TBC1D32: variants seen among roughly 807,000 people sequenced by gnomAD.
TBC1D32 encodes the protein TBC1 domain family member 32, also known as protein broad-minded.
In TBC1D32, 151 loss-of-function variants were observed where a neutral mutation model predicts 170.3. The observed-to-expected ratio is 0.89, with a 90% confidence interval of 0.78 to 1.01. The LOEUF (loss-of-function observed/expected upper bound fraction) is 1.01. Among genes scored for constraint, TBC1D32 ranks in the 50% least tolerant of loss-of-function variants. TBC1D32 has a pLI of 0.00. For synonymous variants in TBC1D32, 498 were observed against 488.0 expected, an observed-to-expected ratio of 1.02 and a Z score of -0.27; for missense variants, 1,464 against 1,457.1, an observed-to-expected ratio of 1.00 and a Z score of -0.08.
At chr6:121,211,923 G>A (rs776582733) in intron 21 of TBC1D32, among the ~76,000 whole-genome samples, 1 of 151,768 alleles carries the variant, frequency 6.6e-6, no homozygotes, top group East Asian at 1.9e-4. Context: ...ACAGTTCCTC[G>A]ACCACAGTGC....
intron 3 of TBC1D32, among the ~76,000 whole-genome samples, chr6:121,315,925 T>A (rs1289279198): frequency 6.6e-6 from 1 of 152,144 alleles, no homozygotes; most frequent in Non-Finnish European, 1.5e-5. Context: ...GCCTTCTTGA[T>A]GGGCAGAGCT....
chr6:121,280,504 A>T (rs1455625356), intron 14 of TBC1D32, among the ~76,000 whole-genome samples: 1 of 151,846 alleles, frequency 6.6e-6, no homozygotes, highest in East Asian at 1.9e-4. Flanking sequence ...ACAACTGCAG[A>T]ATTACATAAC....
chr6:121,104,268 C>A (rs1223530140), intron 30 of TBC1D32, among the ~76,000 whole-genome samples: 1 of 151,516 alleles, frequency 6.6e-6, no homozygotes, highest in African/African-American at 2.4e-5. Flanking sequence ...ATAAAAATAT[C>A]AAAGAAGTCC....
At chr6:121,085,089 G>A (rs1166058993) in intron 31 of TBC1D32, among the ~76,000 whole-genome samples, 1 of 151,166 alleles carries the variant, frequency 6.6e-6, no homozygotes, top group Non-Finnish European at 1.5e-5. Context: ...TTAAAGACTT[G>A]CATTAATGTC....
intron 21 of TBC1D32, among the ~76,000 whole-genome samples, chr6:121,216,650 C>T (rs1248412866): frequency 6.6e-6 from 1 of 152,112 alleles, no homozygotes; most frequent in Non-Finnish European, 1.5e-5. Context: ...TTTAGTGACT[C>T]TATATGTAAT....
At chr6:121,282,371 T>C (rs887315507) in intron 13 of TBC1D32, among the ~76,000 whole-genome samples, 1 of 151,700 alleles carries the variant, frequency 6.6e-6, no homozygotes, top group Non-Finnish European at 1.5e-5. Context: ...CTCAAAACAA[T>C]AGTTTTTAAG....
chr6:121,090,004 G>C (rs910440739), intron 31 of TBC1D32, among the ~76,000 whole-genome samples: 1 of 151,706 alleles, frequency 6.6e-6, no homozygotes, highest in Non-Finnish European at 1.5e-5. Context: ...TGCGATCTCG[G>C]CTCATGCAAG....
In TBC1D32 at chr6:121,321,675, G is replaced by A; in HGVS notation, c.275C>T (p.Thr92Ile). The change falls in exon 2 of 32, where the codon ACA becomes ATA. Residue 92 changes from threonine to isoleucine, a missense_variant. Thr to Ile is a moderately conservative substitution (Grantham distance 89, BLOSUM62 -1). Transcript: ENST00000398212. ...RNQGEECGYD[T>I]VVQQVTKRTQ... The stretch of plus-strand genomic sequence containing the variant: ...TCTTTTAGTGACCTGCTGTACAACT[G>A]TATCATAGCCGCATTCTTCACCCTG... 1 of 1,613,884 alleles carries A rather than the reference G, an allele frequency of 6.2e-7. No homozygotes were observed. Among genetic ancestry groups the A allele is most frequent in the Non-Finnish European group, 8.5e-7 (1 of 1,179,890 alleles).
At chr6:121,250,067 T>C (rs1236558657) in intron 17 of TBC1D32, among the ~76,000 whole-genome samples, 2 of 152,060 alleles carry the variant, frequency 1.3e-5, no homozygotes, top group African/African-American at 4.8e-5. Context: ...GGCATCTCAT[T>C]ACCCACCTTC....
intron 12 of TBC1D32, 77 bp from the exon 13 acceptor site, chr6:121,283,987 T>C (rs910217769): frequency 1.1e-5 from 12 of 1,062,124 alleles, no homozygotes; most frequent in South Asian, 7.0e-5. Context: ...TGAGCTTTCA[T>C]CCATCTATAT....
intron 25 of TBC1D32, among the ~76,000 whole-genome samples, chr6:121,131,029 C>T (rs1027098072): frequency 6.6e-6 from 1 of 152,020 alleles, no homozygotes; most frequent in Non-Finnish European, 1.5e-5. Flanking sequence ...GTACACAATA[C>T]CTTTTAAATT....
intron 14 of TBC1D32, among the ~76,000 whole-genome samples, chr6:121,279,704 G>A (rs973632501): frequency 4.6e-5 from 7 of 151,956 alleles, no homozygotes; most frequent in African/African-American, 1.7e-4. Flanking sequence ...ACTAGGGATA[G>A]CCAATTCATG....
chr6:121,283,900 G>A lies in TBC1D32; in HGVS notation c.1383C>T (p.Ser461=), dbSNP rs1226475202. The A allele has an allele frequency of 6.2e-7, 1 of 1,603,754 alleles. No individual in the cohort carries two copies. Among genetic ancestry groups the A allele is most frequent in the South Asian group, 1.1e-5 (1 of 89,622 alleles). Residue 461 remains serine (S), a synonymous_variant, in exon 13 of 32, where the codon TCC becomes TCT. Coordinates refer to ENST00000398212, the MANE Select transcript of TBC1D32 (RefSeq NM_152730.6). ...TAAAAAGAACAAGCAGATCTATGAG[G>A]GATACCAAACCTTTAAAAAGAAAAT... ...IKLKNKKGLV[S]LIDLLVLFTQ...
intron 8 of TBC1D32, 33 bp downstream of exon 8, chr6:121,304,332 T>C: frequency 1.9e-6 from 3 of 1,608,004 alleles, no homozygotes. Context: ...CACCGCTAGG[T>C]TTTATGCTGG....
intron 24 of TBC1D32, among the ~76,000 whole-genome samples, chr6:121,147,692 C>T (rs1378928965): frequency 1.3e-5 from 2 of 151,836 alleles, no homozygotes; most frequent in Admixed American, 6.6e-5. Flanking sequence ...CCCGGGTTCA[C>T]GCCATTCTCC....
intron 24 of TBC1D32, among the ~76,000 whole-genome samples, chr6:121,145,300 T>A (rs887376518): frequency 6.6e-6 from 1 of 152,000 alleles, no homozygotes; most frequent in African/African-American, 2.4e-5. Flanking sequence ...AAGAGAGAAA[T>A]CCTATCATTT....
chr6:121,313,105 GGTGT>G (rs71018125), intron 3 of TBC1D32, among the ~76,000 whole-genome samples: 7,570 of 110,612 alleles, frequency 0.068, 332 homozygotes, highest in Middle Eastern at 0.085. Flanking sequence ...AAGCTAAGGT[GGTGT>G]GTGTGTGTGT....
intron 17 of TBC1D32, among the ~76,000 whole-genome samples, chr6:121,254,215 T>C (rs1160389260): frequency 6.6e-6 from 1 of 152,112 alleles, no homozygotes; most frequent in Admixed American, 6.5e-5. Context: ...AAGCATGATA[T>C]AATGGACTCT....
chr6:121,317,699 G>A (rs1265926313), intron 2 of TBC1D32, 27 bp from the exon 3 acceptor site: 4 of 1,479,868 alleles, frequency 2.7e-6, no homozygotes, highest in Non-Finnish European at 3.6e-6. Context: ...GTCTTAATAA[G>A]AGAAAGACGA....
Sources: gnomAD v4.1 joint callset for allele counts (sites outside exome capture counted in the v4.1 genomes callset) on GRCh38, gnomAD v4.1.1 for gene constraint, MANE v1.5 for transcripts, NCBI Gene and HGNC (gene_info 2026-07-23, HGNC 2026-07-21) for gene names.